WWOX: variants seen among roughly 807,000 people sequenced by gnomAD.
The protein encoded by WWOX is WW domain containing oxidoreductase.
A neutral mutation model predicts 46.2 loss-of-function variants in WWOX; 69 were observed. That is an observed-to-expected ratio of 1.49 (90% CI 1.23 to 1.82). The LOEUF (loss-of-function observed/expected upper bound fraction) is 1.82, where lower values mean the gene tolerates loss of function less well. Ranked by LOEUF, WWOX falls within the 40% of genes most tolerant of loss-of-function variation. The pLI, the probability that WWOX is intolerant of heterozygous loss-of-function variation, is 0.00. For synonymous variants in WWOX, 359 were observed against 202.6 expected (o/e 1.77, Z -6.56); for missense variants, 919 against 542.6 (o/e 1.69, Z -6.89).
At chr16:78,571,107 C>T (rs1434619034) in intron 8 of WWOX, among the ~76,000 whole-genome samples, 2 of 152,136 alleles carry the variant, frequency 1.3e-5, no homozygotes, top group African/African-American at 4.8e-5. Context: ...GGAAAGCTTA[C>T]TGTAGTTACT....
chr16:79,162,072 T>C (rs1341404507), intron 8 of WWOX, among the ~76,000 whole-genome samples: 4 of 152,308 alleles, frequency 2.6e-5, no homozygotes, highest in East Asian at 3.9e-4. Context: ...AGTTATTGAA[T>C]TGGTCACTGG....
chr16:78,743,945 G>A (rs1403477121), intron 8 of WWOX, among the ~76,000 whole-genome samples: 1 of 152,190 alleles, frequency 6.6e-6, no homozygotes, highest in Non-Finnish European at 1.5e-5. Flanking sequence ...ACCGTTTGGA[G>A]TGTACTTTCC....
intron 8 of WWOX, among the ~76,000 whole-genome samples, chr16:78,616,218 G>GT (rs1301395473): frequency 8.2e-4 from 117 of 143,428 alleles, no homozygotes; most frequent in African/African-American, 3.1e-3. Flanking sequence ...ACACTTTTGT[G>GT]GTTTTTTTTT....
chr16:78,631,740 A>G (rs928505324), intron 8 of WWOX, among the ~76,000 whole-genome samples: 2 of 152,034 alleles, frequency 1.3e-5, no homozygotes, highest in African/African-American at 4.8e-5. Flanking sequence ...TGCCAAGGCT[A>G]GTCTCTAACT....
At chr16:78,544,934 T>C (rs1003633383) in intron 8 of WWOX, among the ~76,000 whole-genome samples, 1 of 150,334 alleles carries the variant, frequency 6.7e-6, no homozygotes, top group African/African-American at 2.5e-5. Flanking sequence ...CCTAGCCCTT[T>C]GGGAGGCCAA....
intron 8 of WWOX, among the ~76,000 whole-genome samples, chr16:79,056,232 A>G (rs2048259871): frequency 7.2e-6 from 1 of 138,138 alleles, no homozygotes. Flanking sequence ...AAAAAAAAAA[A>G]AATTCAGCAT....
At chr16:78,718,042 CAAA>C (rs2048606452) in intron 8 of WWOX, among the ~76,000 whole-genome samples, 2 of 125,310 alleles carry the variant, frequency 1.6e-5, no homozygotes, top group East Asian at 4.5e-4. Context: ...TGCCAGACTG[CAAA>C]CGTTATTTGC....
intron 8 of WWOX, among the ~76,000 whole-genome samples, chr16:78,852,137 A>G (rs1182192725): frequency 1.3e-5 from 2 of 152,154 alleles, no homozygotes; most frequent in Admixed American, 6.5e-5. Flanking sequence ...TTAGAGTTCA[A>G]CCTTAAATAC....
chr16:78,581,243 A>G (rs963658167), intron 8 of WWOX, among the ~76,000 whole-genome samples: 3 of 152,212 alleles, frequency 2.0e-5, no homozygotes, highest in South Asian at 2.1e-4. Flanking sequence ...ATGACACTAC[A>G]TTAATTAGAT....
At chr16:79,035,222 C>T (rs919161471) in intron 8 of WWOX, among the ~76,000 whole-genome samples, 2 of 152,154 alleles carry the variant, frequency 1.3e-5, no homozygotes, top group Non-Finnish European at 2.9e-5. Context: ...CACAATAAGA[C>T]GTAGAAAACA....
At chr16:78,282,615 G>A (rs1020196165) in intron 5 of WWOX, among the ~76,000 whole-genome samples, 15 of 152,060 alleles carry the variant, frequency 9.9e-5, no homozygotes, top group Admixed American at 7.2e-4. Flanking sequence ...AGTGGCTCAC[G>A]CCTGTAATCT....
chr16:78,634,860 G>GTC (rs2046529736), intron 8 of WWOX, among the ~76,000 whole-genome samples: 1 of 151,830 alleles, frequency 6.6e-6, no homozygotes, highest in Non-Finnish European at 1.5e-5. Flanking sequence ...GTGTGTGTGT[G>GTC]TGTGTGTGTG....
chr16:78,862,028 T>C (rs751524388), intron 8 of WWOX, among the ~76,000 whole-genome samples: 5 of 150,734 alleles, frequency 3.3e-5, no homozygotes, highest in Non-Finnish European at 7.4e-5. Context: ...TAGATATAGA[T>C]ACACACATGT....
At chr16:78,597,364 T>C (rs973408334) in intron 8 of WWOX, among the ~76,000 whole-genome samples, 6 of 152,224 alleles carry the variant, frequency 3.9e-5, no homozygotes, top group Non-Finnish European at 5.9e-5. Flanking sequence ...ATTCATTCAT[T>C]TGGATTCTAC....
chr16:78,689,121 T>A (rs983730690), intron 8 of WWOX, among the ~76,000 whole-genome samples: 1 of 152,158 alleles, frequency 6.6e-6, no homozygotes, highest in Non-Finnish European at 1.5e-5. Context: ...CAGTCAGGGA[T>A]GCTGCAGAAC....
chr16:78,859,185 G>A (rs1311396515), intron 8 of WWOX, among the ~76,000 whole-genome samples: 2 of 151,178 alleles, frequency 1.3e-5, no homozygotes, highest in East Asian at 2.0e-4. Context: ...TTGCAGAGAA[G>A]CAGGATGAAG....
intron 6 of WWOX, among the ~76,000 whole-genome samples, chr16:78,404,696 G>T (rs568124022): frequency 1.3e-5 from 2 of 152,170 alleles, no homozygotes; most frequent in East Asian, 3.9e-4. Context: ...CCATCCAAGG[G>T]CACTATGTTG....
intron 8 of WWOX, among the ~76,000 whole-genome samples, chr16:78,705,506 G>A (rs1019943404): frequency 1.4e-4 from 22 of 152,090 alleles, no homozygotes; most frequent in African/African-American, 4.6e-4. Flanking sequence ...ACCTCCCTTC[G>A]CCTCACACGT....
At chr16:79,185,945 TGTGTGTGTGTGTGTGTGCATGC>T (rs1314589360) in intron 8 of WWOX, among the ~76,000 whole-genome samples, 3 of 131,374 alleles carry the variant, frequency 2.3e-5, no homozygotes. Flanking sequence ...ATGCCATGTC[TGTGTGTGTGTGTGTGTGCATGC>T]GTGTGTGTGT....
Sources: gnomAD v4.1 joint callset for allele counts (sites outside exome capture counted in the v4.1 genomes callset) on GRCh38, gnomAD v4.1.1 for gene constraint, MANE v1.5 for transcripts, NCBI Gene and HGNC (gene_info 2026-07-23, HGNC 2026-07-21) for gene names.